Variants in ABTB3 observed in about 807,000 individuals in gnomAD.
The protein encoded by ABTB3 is ankyrin repeat- and BTB/POZ domain-containing protein 3.
chr12:107,581,084 C>G, the ABTB3 span: 1 of 1,544,930 alleles, frequency 6.5e-7, no homozygotes, highest in Non-Finnish European at 8.7e-7. Flanking sequence ...GGGGGTGGGG[C>G]CAAGCCGGCA....
At chr12:107,456,149 C>T in the ABTB3 span, among the ~76,000 whole-genome samples, 10 of 152,330 alleles carry the variant, frequency 6.6e-5, no homozygotes, top group Admixed American at 5.2e-4. Context: ...CATATTAACA[C>T]GTTTAATCCT....
the ABTB3 span, among the ~76,000 whole-genome samples, chr12:107,558,622 A>G: frequency 1.3e-5 from 2 of 151,950 alleles, no homozygotes; most frequent in African/African-American, 2.4e-5. Flanking sequence ...CTGCATCCCC[A>G]CCTCTCCCGT....
the ABTB3 span, among the ~76,000 whole-genome samples, chr12:107,419,125 A>G: frequency 6.6e-6 from 1 of 152,250 alleles, no homozygotes; most frequent in African/African-American, 2.4e-5. Flanking sequence ...GAGTTTATTA[A>G]GTAGTATCAA....
the ABTB3 span, among the ~76,000 whole-genome samples, chr12:107,480,188 T>A: frequency 1.1e-4 from 17 of 152,250 alleles, no homozygotes; most frequent in African/African-American, 4.1e-4. Flanking sequence ...CCAGAGAATG[T>A]TTAAGCACAG....
At chr12:107,321,674 ATTGGGCTTTG>A in the ABTB3 span, among the ~76,000 whole-genome samples, 1 of 152,000 alleles carries the variant, frequency 6.6e-6, no homozygotes, top group Non-Finnish European at 1.5e-5. Context: ...GGGAGAAGGC[ATTGGGCTTTG>A]TATGTGCTTC....
chr12:107,638,252 C>A, the ABTB3 span, among the ~76,000 whole-genome samples: 2 of 152,040 alleles, frequency 1.3e-5, no homozygotes, highest in Non-Finnish European at 2.9e-5. Flanking sequence ...ACCACCAGGA[C>A]CACCGTCTGG....
chr12:107,441,887 CCA>C, the ABTB3 span, among the ~76,000 whole-genome samples: 1 of 151,812 alleles, frequency 6.6e-6, no homozygotes, highest in Non-Finnish European at 1.5e-5. Flanking sequence ...CTGCAGTGAG[CCA>C]TGATCACACC....
At chr12:107,471,684 A>G in the ABTB3 span, among the ~76,000 whole-genome samples, 1 of 152,178 alleles carries the variant, frequency 6.6e-6, no homozygotes, top group African/African-American at 2.4e-5. Context: ...ACACAGAAGC[A>G]GCTTCCCCTC....
the ABTB3 span, among the ~76,000 whole-genome samples, chr12:107,408,707 C>T: frequency 6.6e-6 from 1 of 152,220 alleles, no homozygotes; most frequent in Admixed American, 6.5e-5. Flanking sequence ...CTTGAGACCA[C>T]CCCTGGCTTC....
the ABTB3 span, among the ~76,000 whole-genome samples, chr12:107,409,030 G>A: frequency 9.2e-5 from 14 of 152,206 alleles, no homozygotes; most frequent in Non-Finnish European, 1.5e-5. Flanking sequence ...CCCCAGAAAG[G>A]GACTTCTGAG....
At chr12:107,489,002 A>G in the ABTB3 span, among the ~76,000 whole-genome samples, 543 of 152,304 alleles carry the variant, frequency 3.6e-3, 5 homozygotes, top group African/African-American at 0.012. Context: ...AAGAAGTCAC[A>G]AAGATGACCA....
chr12:107,500,647 TAA>T, the ABTB3 span, among the ~76,000 whole-genome samples: 37 of 152,190 alleles, frequency 2.4e-4, no homozygotes, highest in Admixed American at 2.0e-3. Flanking sequence ...CACGACTGTG[TAA>T]ACCAGGGGTC....
chr12:107,357,740 G>T, the ABTB3 span, among the ~76,000 whole-genome samples: 2 of 152,186 alleles, frequency 1.3e-5, no homozygotes, highest in Admixed American at 6.5e-5. Flanking sequence ...CAGAGCGTGC[G>T]TGGCACCACG....
At chr12:107,580,779 C>T in the ABTB3 span, 1 of 1,459,952 alleles carries the variant, frequency 6.8e-7, no homozygotes. Flanking sequence ...TGGTTTTCCG[C>T]CGCTCCAGAC....
the ABTB3 span, among the ~76,000 whole-genome samples, chr12:107,546,245 G>A: frequency 4.6e-5 from 7 of 152,198 alleles, no homozygotes; most frequent in African/African-American, 1.7e-4. Flanking sequence ...TAGAATGAAA[G>A]AATGAGCAAA....
chr12:107,414,820 C>A, the ABTB3 span, among the ~76,000 whole-genome samples: 1 of 151,718 alleles, frequency 6.6e-6, no homozygotes, highest in East Asian at 1.9e-4. Context: ...CAGGTTCAAG[C>A]AGTTCTCATG....
chr12:107,324,194 A>G, the ABTB3 span, among the ~76,000 whole-genome samples: 2 of 152,230 alleles, frequency 1.3e-5, no homozygotes, highest in South Asian at 4.1e-4. Context: ...TCTCTATCAC[A>G]TCCAGATTAA....
the ABTB3 span, among the ~76,000 whole-genome samples, chr12:107,516,963 G>T: frequency 6.6e-6 from 1 of 152,186 alleles, no homozygotes. Context: ...AAGCTGGGCA[G>T]GTATTGCCTA....
chr12:107,593,108 C>CA, the ABTB3 span, among the ~76,000 whole-genome samples: 7 of 152,136 alleles, frequency 4.6e-5, no homozygotes, highest in Non-Finnish European at 8.8e-5. Context: ...CTGTAACTCT[C>CA]AAAAAGGTTA....
Sources: gnomAD v4.1 joint callset for allele counts (sites outside exome capture counted in the v4.1 genomes callset) on GRCh38, gnomAD v4.1.1 for gene constraint, MANE v1.5 for transcripts, NCBI Gene and HGNC (gene_info 2026-07-23, HGNC 2026-07-21) for gene names.